Variants in PIWIL3 observed in about 807,000 individuals in gnomAD.
PIWIL3 encodes the protein piwi-like protein 3.
PIWIL3 carries 101 observed loss-of-function variants against 109.7 expected under a neutral mutation model. The ratio of observed to expected loss-of-function variants is 0.92; its 90% CI spans 0.78 to 1.09. PIWIL3 has a LOEUF of 1.09. Among genes scored for constraint, PIWIL3 ranks in the 50% least tolerant of loss-of-function variants. PIWIL3 has a pLI of 0.00. For synonymous variants in PIWIL3, 373 were observed against 376.4 expected (o/e 0.99, Z 0.10); for missense variants, 1,031 against 1,072.6 (o/e 0.96, Z 0.54).
At chr22:24,761,880 TG>T in intron 2 of PIWIL3, 1 of 869,944 alleles carries the variant, frequency 1.1e-6, no homozygotes, top group Non-Finnish European at 1.4e-6. Context: ...TAAGTGGACC[TG>T]GAAGGCATCG....
At chr22:24,763,970 C>T (rs1026458538) in intron 1 of PIWIL3, among the ~76,000 whole-genome samples, 1 of 152,206 alleles carries the variant, frequency 6.6e-6, no homozygotes, top group Non-Finnish European at 1.5e-5. Flanking sequence ...CTGATCTCCG[C>T]GGGGTCAGAG....
chr22:24,761,341 G>T (rs1306724356), intron 2 of PIWIL3, among the ~76,000 whole-genome samples: 1 of 152,180 alleles, frequency 6.6e-6, no homozygotes, highest in Non-Finnish European at 1.5e-5. Context: ...GGGGTGGTCA[G>T]TGATGAAGGA....
chr22:24,736,531 A>G (rs5751963), intron 12 of PIWIL3, among the ~76,000 whole-genome samples: 69,295 of 151,958 alleles, frequency 0.46, 16,225 homozygotes, highest in East Asian at 0.69. Flanking sequence ...GGATGGAGTA[A>G]GATGGCCAAA....
rs1461768914 is a variant in PIWIL3, at chr22:24,762,392, G to A, written c.102+6C>T. 6.2e-7 allele frequency: 1 copy of A among 1,611,184 alleles called. No homozygotes were observed. Among genetic ancestry groups the A allele is most frequent in the South Asian group, 1.1e-5 (1 of 90,524 alleles). ...TGCAGAAAGGAAACAACGTTACAGG[G>A]CTCACTGTAGCTGATCCAGGTGCTC... On this transcript the variant is annotated splice_donor_region_variant and intron_variant, in intron 2 of 20. Transcript: ENST00000616349.
At chr22:24,724,865 C>T in intron 18 of PIWIL3, 22 bp downstream of exon 18, 2 of 1,607,266 alleles carry the variant, frequency 1.2e-6, no homozygotes, top group Non-Finnish European at 1.7e-6. Context: ...AGTCACTACA[C>T]ATTACAATTA....
At chr22:24,764,232 CAA>C (rs989453934) in intron 1 of PIWIL3, among the ~76,000 whole-genome samples, 1 of 152,242 alleles carries the variant, frequency 6.6e-6, no homozygotes, top group African/African-American at 2.4e-5. Flanking sequence ...GTGGCGGACT[CAA>C]GAGATGCCGC....
Position 24,746,155 on chromosome 22 carries a change from A to G in PIWIL3, c.1449+2752T>C, listed in dbSNP as rs541807594. On this transcript the variant is annotated intron_variant, in intron 12 of 20. Transcript: ENST00000616349. ...CAAGAAAAGAAAACTACAGGCCAAT[A>G]TCTCCAATGAACACTGATATAAAAA... is the stretch of plus-strand genomic sequence containing the variant. 3.3e-5 allele frequency among the ~76,000 whole-genome samples: 5 copies of G among 152,300 alleles called. No homozygotes were observed. In the South Asian group the frequency reaches 1.0e-3, roughly 32 times the overall value.
intron 8 of PIWIL3, 37 bp from the exon 9 acceptor site, chr22:24,751,535 T>C (rs1315483304): frequency 2.5e-6 from 4 of 1,598,120 alleles, no homozygotes; most frequent in Non-Finnish European, 1.7e-6. Context: ...ATTTGACTTA[T>C]TCATCACATG....
intron 13 of PIWIL3, among the ~76,000 whole-genome samples, chr22:24,734,479 A>C (rs1923538201): frequency 6.6e-6 from 1 of 152,132 alleles, no homozygotes; most frequent in Admixed American, 6.5e-5. Context: ...AATAAGCAAA[A>C]ACAAGGAGTC....
intron 12 of PIWIL3, among the ~76,000 whole-genome samples, chr22:24,744,622 T>C (rs146403338): frequency 1.4e-4 from 22 of 152,078 alleles, no homozygotes; most frequent in Middle Eastern, 3.4e-3. Context: ...ACAAAATAGA[T>C]TTCAAGACAA....
intron 12 of PIWIL3, among the ~76,000 whole-genome samples, chr22:24,739,822 G>T (rs182042893): frequency 6.6e-6 from 1 of 152,016 alleles, no homozygotes; most frequent in African/African-American, 2.4e-5. Flanking sequence ...AGGCCGAGGC[G>T]GGAGGATCAT....
rs550478777 is a variant in PIWIL3, at chr22:24,745,546, CTAAA to C, written c.1449+3357_1449+3360del. ...TGGGCAACAGAGTGAGACTCTGTCT[CTAAA>C]TAAATAAACAAACAAACAAACAAAA... On this transcript the variant is annotated intron_variant, in intron 12 of 20. Transcript: ENST00000616349. Among the ~76,000 whole-genome samples, 37 of 151,738 alleles carry C rather than the reference CTAAA, an allele frequency of 2.4e-4. No homozygotes were observed. The East Asian group carries it at 6.0e-3, about 25-fold the overall frequency.
intron 12 of PIWIL3, among the ~76,000 whole-genome samples, chr22:24,736,324 T>C (rs1051778779): frequency 6.6e-6 from 1 of 152,234 alleles, no homozygotes; most frequent in Non-Finnish European, 1.5e-5. Context: ...CCCCTTCTGA[T>C]TGAATGCTGC....
rs201110363 is a variant in PIWIL3 at position 24,756,652 on chromosome 22, G to A, written c.409C>T (p.Arg137Cys). 87 of 1,613,970 alleles carry A rather than the reference G, an allele frequency of 5.4e-5. 1 individual carries two copies. In the Middle Eastern group the frequency reaches 6.6e-4, roughly 12 times the overall value. Residue 137 changes from arginine (R) to cysteine (C), a missense_variant, in exon 5 of 21, where the codon CGT becomes TGT. Physicochemically the swap from Arg to Cys is radical, Grantham distance 180. Coordinates refer to ENST00000616349, the MANE Select transcript of PIWIL3 (RefSeq NM_001255975.1). ...LLANHFRVIS[R>C]PQWVAYKYNV... is the part of the protein sequence containing the mutation. ...TATTTATATGCAACCCACTGAGGAC[G>A]AGATATCACTCGGAAGTGGTTGGCG...
At chr22:24,742,465 A>C (rs1924065958) in intron 12 of PIWIL3, among the ~76,000 whole-genome samples, 2 of 152,226 alleles carry the variant, frequency 1.3e-5, no homozygotes, top group African/African-American at 4.8e-5. Flanking sequence ...AAGCAATAAC[A>C]AATCTGGAGG....
chr22:24,761,921 TG>T, intron 2 of PIWIL3: 3 of 976,050 alleles, frequency 3.1e-6, no homozygotes, highest in Non-Finnish European at 3.7e-6. Context: ...ATGGTCCCCC[TG>T]GAGGTTGTCA....
In PIWIL3 at chr22:24,749,465, T is replaced by C. The variant is rs145155699; in HGVS notation, c.1273A>G (p.Thr425Ala). 7.4e-6 allele frequency: 12 copies of C among 1,613,764 alleles called. No individual in the cohort carries two copies. The highest frequency in any genetic ancestry group is 1.0e-5 in the Non-Finnish European group (12 of 1,180,028). ...YSIVKELAKHTRLSPRRRHHT... is the reference protein window; with the variant it reads ...YSIVKELAKHARLSPRRRHHT... The stretch of plus-strand genomic sequence containing the variant: ...TGCCTTCTTCTTGGACTCAATCTTG[T>C]ATGTTTAGCCAATTCTTTCACAATG... Residue 425 changes from threonine to alanine, a missense_variant, in exon 11 of 21, where the codon ACA (threonine) becomes GCA (alanine). Physicochemically the swap from Thr to Ala is moderately conservative, Grantham distance 58 (BLOSUM62 0). Coordinates refer to ENST00000616349, the MANE Select transcript of PIWIL3 (RefSeq NM_001255975.1).
Position 24,734,158 on chromosome 22 carries a change from T to TA in PIWIL3, c.1635-3dup, listed in dbSNP as rs368814745. 1.2e-6 allele frequency: 2 copies of TA among 1,610,166 alleles called. No individual in the cohort carries two copies. Among genetic ancestry groups the TA allele is most frequent in the South Asian group, 1.1e-5 (1 of 89,668 alleles). ...TTAGCATCACCATCTACTTCAATCC[T>TA]AAAAAATAAATATAGCATCCACATC... On this transcript the variant is annotated splice_region_variant and splice_polypyrimidine_tract_variant and intron_variant, in intron 13 of 20. Transcript: ENST00000616349.
chr22:24,760,516 A>G (rs1925363786), intron 2 of PIWIL3, among the ~76,000 whole-genome samples: 1 of 151,708 alleles, frequency 6.6e-6, no homozygotes, highest in Non-Finnish European at 1.5e-5. Flanking sequence ...GGCCAGGTGC[A>G]GTGGCTCACG....
Sources: gnomAD v4.1 joint callset for allele counts (sites outside exome capture counted in the v4.1 genomes callset) on GRCh38, gnomAD v4.1.1 for gene constraint, MANE v1.5 for transcripts, NCBI Gene and HGNC (gene_info 2026-07-23, HGNC 2026-07-21) for gene names.